Variants in OSMR observed in about 807,000 individuals in gnomAD.
OSMR encodes oncostatin M receptor.
In OSMR, 81 loss-of-function variants were observed where a neutral mutation model predicts 99.9. The ratio of observed to expected loss-of-function variants is 0.81; its 90% CI spans 0.68 to 0.97. The LOEUF is 0.97. OSMR is among the 50% of genes least tolerant of loss of function. OSMR has a pLI of 0.00. For synonymous variants in OSMR, 406 were observed against 410.4 expected (o/e 0.99, Z 0.13); for missense variants, 1,099 against 1,153.4 (o/e 0.95, Z 0.68).
chr5:38,853,466 C>T (rs1402654819), intron 1 of OSMR, among the ~76,000 whole-genome samples: 1 of 152,096 alleles, frequency 6.6e-6, no homozygotes, highest in Non-Finnish European at 1.5e-5. Context: ...GGAATTTGAC[C>T]CTAAGCATTT....
chr5:38,868,786 C>G (rs890324207), intron 1 of OSMR: 1 of 153,148 alleles, frequency 6.5e-6, no homozygotes, highest in African/African-American at 2.4e-5. Flanking sequence ...TAGAAACTGG[C>G]ACACCATCCT....
At chr5:38,881,533 C>G (rs2112362019) in intron 3 of OSMR, 60 bp from the exon 4 acceptor site, 1 of 1,613,546 alleles carries the variant, frequency 6.2e-7, no homozygotes, top group Non-Finnish European at 8.5e-7. Context: ...TAAGTCAAGT[C>G]AAGCTATTTT....
chr5:38,921,511 CCT>C, intron 11 of OSMR, 102 bp from the exon 12 acceptor site: 1 of 1,568,648 alleles, frequency 6.4e-7, no homozygotes. Context: ...AGGTCTGTTA[CCT>C]ACTAGATACA....
chr5:38,860,653 G>C (rs1385284126), intron 1 of OSMR, among the ~76,000 whole-genome samples: 1 of 152,068 alleles, frequency 6.6e-6, no homozygotes, highest in Non-Finnish European at 1.5e-5. Context: ...TTAGTTCTTA[G>C]TAAGTTTGGT....
At chr5:38,922,741 A>G (rs114433627) in intron 12 of OSMR, among the ~76,000 whole-genome samples, 3,081 of 152,236 alleles carry the variant, frequency 0.02, 60 homozygotes, top group Non-Finnish European at 0.03. Flanking sequence ...CTGAAAGCCA[A>G]TTATTAGGGG....
Position 38,923,178 on chromosome 5 carries a change from C to A in OSMR, c.1794C>A (p.Asp598Glu), listed in dbSNP as rs1746314270. The A allele has an allele frequency of 6.2e-7, 1 of 1,612,982 alleles. No individual in the cohort carries two copies. The highest frequency in any genetic ancestry group is 1.3e-5 in the African/African-American group (1 of 74,870). The change falls in exon 13 of 18, where the codon GAC (aspartate) becomes GAA (glutamate). Residue 598 changes from aspartate to glutamate, a missense_variant. Physicochemically the swap from Asp to Glu is conservative, Grantham distance 45. Transcript: ENST00000274276. ...CTTTTAGGCCAGGAGTTCGATATGACTTCAGAATTTATGGGTTATCTACAA... is the reference window on the plus strand; with the variant it reads ...CTTTTAGGCCAGGAGTTCGATATGAATTCAGAATTTATGGGTTATCTACAA... Reference protein sequence around the residue: ...TDAFRPGVRYDFRIYGLSTKR... With the variant: ...TDAFRPGVRYEFRIYGLSTKR...
chr5:38,944,087 T>TG (rs1747906585), intron 1 of OSMR: 1 of 372,290 alleles, frequency 2.7e-6, no homozygotes, highest in Non-Finnish European at 5.2e-6. Flanking sequence ...TAACATGCAT[T>TG]AATTTATTTT....
intron 1 of OSMR, among the ~76,000 whole-genome samples, chr5:38,859,018 T>C (rs1408361116): frequency 1.3e-5 from 2 of 152,238 alleles, no homozygotes; most frequent in African/African-American, 4.8e-5. Context: ...GTCAGATGAA[T>C]GGTTTGCAAA....
Position 38,881,760 on chromosome 5 carries a change from C to A in OSMR, c.414C>A (p.Val138=). 6.2e-7 allele frequency: 1 copy of A among 1,613,590 alleles called. No homozygotes were observed. The highest frequency in any genetic ancestry group is 1.1e-5 in the South Asian group (1 of 91,064). ...GCAACTGGAGTTCCTGGGAGGAAGT[C>A]AGTGGTAAGAAGTGAGGTGGTTACA... is the stretch of plus-strand genomic sequence containing the variant. The part of the protein sequence containing the change: ...FWSNWSSWEE[V]SVQDSTGQDI... Residue 138 remains valine (V), a synonymous_variant, in exon 4 of 18, where the codon GTC becomes GTA. Coordinates refer to ENST00000274276, the MANE Select transcript of OSMR (RefSeq NM_003999.3).
intron 7 of OSMR, among the ~76,000 whole-genome samples, chr5:38,897,533 C>T (rs182074382): frequency 1.3e-5 from 2 of 152,048 alleles, no homozygotes; most frequent in Admixed American, 1.3e-4. Context: ...TGGGTCTTCT[C>T]TCTTTTTTTC....
In OSMR at chr5:38,932,995, G is replaced by A. The variant is rs113665466; in HGVS notation, c.2491G>A (p.Glu831Lys). ...LGTRKSLTET[E>K]LTKPNYLYLL... is the part of the protein sequence containing the mutation. ...CACTAGGAAGTCACTCACAGAAACC[G>A]AGTTGACTAAGCCTAACTACCTTTA... Residue 831 changes from glutamate to lysine, a missense_variant, in exon 18 of 18, where the codon GAG becomes AAG. By Grantham distance (56) the Glu-to-Lys change is moderately conservative. Coordinates refer to ENST00000274276, the MANE Select transcript of OSMR (RefSeq NM_003999.3). 1.5e-5 allele frequency: 24 copies of A among 1,614,006 alleles called. No homozygotes were observed. The highest frequency in any genetic ancestry group is 2.7e-5 in the African/African-American group (2 of 74,908).
intron 1 of OSMR, among the ~76,000 whole-genome samples, chr5:38,866,064 CCAG>C (rs1741912863): frequency 6.6e-6 from 1 of 152,136 alleles, no homozygotes; most frequent in Non-Finnish European, 1.5e-5. Flanking sequence ...TATGTGGGCA[CCAG>C]CAGGCTGGGG....
chr5:38,883,573 G>C, intron 4 of OSMR: 1 of 348,522 alleles, frequency 2.9e-6, no homozygotes, highest in Non-Finnish European at 4.0e-6. Context: ...GCAATTATCA[G>C]AGTGGTAATA....
At chr5:38,932,385 A>C in intron 16 of OSMR, 78 bp from the exon 17 acceptor site, 1 of 1,005,756 alleles carries the variant, frequency 9.9e-7, no homozygotes, top group South Asian at 1.3e-5. Flanking sequence ...AGAAGCCAGG[A>C]ATCTGACTCC....
intron 7 of OSMR, among the ~76,000 whole-genome samples, chr5:38,893,400 G>C (rs763694701): frequency 6.6e-6 from 1 of 152,160 alleles, no homozygotes; most frequent in Non-Finnish European, 1.5e-5. Context: ...GGCTCGAAGA[G>C]ATCCAAGACA....
In OSMR at chr5:38,885,049, T is replaced by C. The variant is rs190484622; in HGVS notation, c.704-300T>C. The C allele has an allele frequency of 1.4e-3, 393 of 279,232 alleles. 1 individual carries two copies. Among genetic ancestry groups the C allele is most frequent in the Admixed American group, 3.0e-3 (46 of 15,438 alleles). The allele number at this position is 279,232 out of a possible 1,614,324, so 17.3% of individuals were successfully genotyped here. A position where few individuals can be genotyped will look rare whatever the true frequency, so the allele number is the denominator to read the frequency against. On this transcript the variant is annotated intron_variant, in intron 5 of 17. Coordinates refer to ENST00000274276, the MANE Select transcript of OSMR (RefSeq NM_003999.3). ...GAGCCACAGCACCCGAAATGAAACA[T>C]TGGCAGGCACTGGGGATACAACCCT...
At chr5:38,914,233 A>G (rs1021015353) in intron 9 of OSMR, among the ~76,000 whole-genome samples, 8 of 152,216 alleles carry the variant, frequency 5.3e-5, no homozygotes, top group Non-Finnish European at 7.3e-5. Flanking sequence ...TGTTTCTCAG[A>G]GGCCACTCTC....
At chr5:38,860,009 A>G (rs182522188) in intron 1 of OSMR, among the ~76,000 whole-genome samples, 5 of 152,332 alleles carry the variant, frequency 3.3e-5, no homozygotes, top group Non-Finnish European at 7.4e-5. Flanking sequence ...ATACAAGATC[A>G]TGACATCTGT....
chr5:38,881,078 A>G (rs1160914557), intron 3 of OSMR, among the ~76,000 whole-genome samples: 1 of 152,234 alleles, frequency 6.6e-6, no homozygotes, highest in Non-Finnish European at 1.5e-5. Context: ...CCATCTATCA[A>G]CTTCCGAGAG....
Sources: gnomAD v4.1 joint callset for allele counts (sites outside exome capture counted in the v4.1 genomes callset) on GRCh38, gnomAD v4.1.1 for gene constraint, MANE v1.5 for transcripts, NCBI Gene and HGNC (gene_info 2026-07-23, HGNC 2026-07-21) for gene names.